Variants in ITPK1 observed in about 807,000 individuals in gnomAD.
The protein encoded by ITPK1 is inositol 1,3,4-trisphosphate 5/6-kinase.
A neutral mutation model predicts 45.3 loss-of-function variants in ITPK1; 21 were observed. The observed-to-expected ratio is 0.46, with a 90% CI of 0.33 to 0.67. The LOEUF (loss-of-function observed/expected upper bound fraction) is 0.67, where lower values mean the gene tolerates loss of function less well. ITPK1 is among the 30% of genes least tolerant of loss of function. ITPK1 has a pLI of 0.02. For missense variants in ITPK1, 474 were observed against 573.5 expected, an observed-to-expected ratio of 0.83 and a Z score of 1.77; for synonymous variants, 258 against 253.6, an observed-to-expected ratio of 1.02 and a Z score of -0.16.
rs2139897572 is a variant in ITPK1, at chr14:93,034,508, G to A, written c.121-17707C>T. Reference sequence around the variant, plus strand: ...CTCCAAGAATAGAATGGGGAGGCGGGCTCCACCACAGCTGGCCCCCACTGG... The same window carrying A: ...CTCCAAGAATAGAATGGGGAGGCGGACTCCACCACAGCTGGCCCCCACTGG... On this transcript the variant is annotated intron_variant, in intron 3 of 10. Coordinates refer to ENST00000267615, the MANE Select transcript of ITPK1 (RefSeq NM_014216.6). The surrounding 1 kb of genome is among the most constrained non-coding windows in gnomAD (Gnocchi z 4.1). Among the ~76,000 whole-genome samples, 1 of 152,284 alleles carries A rather than the reference G, an allele frequency of 6.6e-6. No homozygotes were observed. The highest frequency in any genetic ancestry group is 2.1e-4 in the South Asian group (1 of 4,832).
At chr14:93,103,312 A>G in intron 2 of ITPK1, among the ~76,000 whole-genome samples, 1 of 149,286 alleles carries the variant, frequency 6.7e-6, no homozygotes, top group African/African-American at 2.5e-5. Flanking sequence ...CCAGCTACTC[A>G]GGAGGCTGAG....
At chr14:93,024,099 T>G (rs1888608603) in intron 3 of ITPK1, among the ~76,000 whole-genome samples, 1 of 151,942 alleles carries the variant, frequency 6.6e-6, no homozygotes, top group South Asian at 2.1e-4. Flanking sequence ...ATCCACAAGG[T>G]GGGGAGTCAG....
At chr14:93,069,595 C>T (rs1267516767) in intron 3 of ITPK1, 1 of 153,414 alleles carries the variant, frequency 6.5e-6, no homozygotes. Context: ...CACTCCCCCA[C>T]AGCTCAGACA....
intron 2 of ITPK1, among the ~76,000 whole-genome samples, chr14:93,084,393 G>A (rs770575297): frequency 6.6e-6 from 1 of 152,218 alleles, no homozygotes; most frequent in African/African-American, 2.4e-5. Context: ...AAGGGCCCCT[G>A]TAATGCAGAG....
At position 93,014,261 on chromosome 14, in the gene ITPK1, C is replaced by A. The variant is rs553227293; in HGVS notation, c.246+2415G>T. Among the ~76,000 whole-genome samples, 72 of 152,288 alleles carry A rather than the reference C, an allele frequency of 4.7e-4. No individual in the cohort carries two copies. The highest frequency in any genetic ancestry group is 6.5e-4 in the Admixed American group (10 of 15,294). On this transcript the variant is annotated intron_variant, in intron 4 of 10. Transcript: ENST00000267615. The surrounding 1 kb of genome is among the most constrained non-coding windows in gnomAD (Gnocchi z 4.4). Reference sequence around the variant, plus strand: ...TTAAGCCACAAGGCCCCATGCTGCCCTCCACACACGCTCCCTGTTAATATT... The same window carrying A: ...TTAAGCCACAAGGCCCCATGCTGCCATCCACACACGCTCCCTGTTAATATT...
At chr14:93,075,356 AAAAAAG>A (rs1891177729) in intron 3 of ITPK1, among the ~76,000 whole-genome samples, 2 of 143,738 alleles carry the variant, frequency 1.4e-5, no homozygotes, top group African/African-American at 5.8e-5. Flanking sequence ...AAAAAAAAAA[AAAAAAG>A]GAAGAGAAAA....
At chr14:92,967,417 G>A (rs183724152) in intron 5 of ITPK1, among the ~76,000 whole-genome samples, 2 of 152,266 alleles carry the variant, frequency 1.3e-5, no homozygotes, top group East Asian at 3.9e-4. Flanking sequence ...AAAATAACAA[G>A]TGTTGCTGAG....
In ITPK1 at chr14:92,941,677, C is replaced by A. The variant is rs771194909; in HGVS notation, c.1129G>T (p.Asp377Tyr). ...GQDAPWKAEADAGGTAKLPHQ... is the reference protein window; with the variant it reads ...GQDAPWKAEAYAGGTAKLPHQ... The stretch of plus-strand genomic sequence containing the variant: ...GGCAGCTTGGCGGTGCCGCCCGCGT[C>A]GGCCTCAGCCTTCCAGGGCGCGTCC... The change falls in exon 11 of 11, where the codon GAC (aspartate) becomes TAC (tyrosine). Residue 377 changes from aspartate (D) to tyrosine (Y), a missense_variant. Around this residue, in one of 2 missense-constraint regions of ITPK1, gnomAD observed 107 missense variants for 92.9 expected, o/e 1.15. Transcript: ENST00000267615. 1 of 1,543,892 alleles carries A rather than the reference C, an allele frequency of 6.5e-7. No homozygotes were observed. The highest frequency in any genetic ancestry group is 8.7e-7 in the Non-Finnish European group (1 of 1,147,298).
At chr14:93,094,167 G>A (rs1019611255) in intron 2 of ITPK1, among the ~76,000 whole-genome samples, 10 of 152,344 alleles carry the variant, frequency 6.6e-5, no homozygotes, top group Middle Eastern at 6.8e-3. Context: ...CCGAGGATAT[G>A]CGGGGCCTCC....
rs1041796728 is a variant in ITPK1, at chr14:93,016,390, C to T, written c.246+286G>A. Among the ~76,000 whole-genome samples, 3 of 152,152 alleles carry T rather than the reference C, an allele frequency of 2.0e-5. No individual in the cohort carries two copies. Among genetic ancestry groups the T allele is most frequent in the Admixed American group, 2.0e-4 (3 of 15,278 alleles). Reference sequence around the variant, plus strand: ...CATGCCTGTGCTGAGGACGTGGAGGCCACACTGGAACTCAGCGATGCCTCA... The same window carrying T: ...CATGCCTGTGCTGAGGACGTGGAGGTCACACTGGAACTCAGCGATGCCTCA... On this transcript the variant is annotated intron_variant, in intron 4 of 10. Coordinates refer to ENST00000267615, the MANE Select transcript of ITPK1 (RefSeq NM_014216.6). This position sits in a 1 kb window ranked among gnomAD's most constrained non-coding sequence, Gnocchi z 5.0.
intron 2 of ITPK1, among the ~76,000 whole-genome samples, chr14:93,113,411 C>A (rs557009646): frequency 5.9e-5 from 9 of 152,308 alleles, no homozygotes; most frequent in African/African-American, 2.2e-4. Flanking sequence ...CAATGACAAG[C>A]CTCAAGCTTG....
rs2139902704 is a variant in ITPK1 at position 93,036,993 on chromosome 14, T to C, written c.121-20192A>G. On this transcript the variant is annotated intron_variant, in intron 3 of 10. Transcript: ENST00000267615. The surrounding 1 kb of genome is among the most constrained non-coding windows in gnomAD (Gnocchi z 4.1). Reference sequence around the variant, plus strand: ...CCACCCCCTAACAATGCTCCTTTTTTCTTGGGCACTGACCCTCACTTATCA... The same window carrying C: ...CCACCCCCTAACAATGCTCCTTTTTCCTTGGGCACTGACCCTCACTTATCA... 1.3e-5 allele frequency: 2 copies of C among 152,438 alleles called. No individual in the cohort carries two copies. Among genetic ancestry groups the C allele is most frequent in the Non-Finnish European group, 2.9e-5 (2 of 68,116 alleles). 9.4% of individuals were successfully genotyped at this position (152,438 alleles called of 1,614,324 possible).
chr14:93,016,452 C>T lies in ITPK1; in HGVS notation c.246+224G>A, dbSNP rs1158639135. ...TGTCTACACAGCCAGGGGGTGGAGA[C>T]GGCCCAACCATGCCCTGGTTCAGTC... is the stretch of plus-strand genomic sequence containing the variant. On this transcript the variant is annotated intron_variant, in intron 4 of 10. Transcript: ENST00000267615. This position sits in a 1 kb window ranked among gnomAD's most constrained non-coding sequence, Gnocchi z 5.0. 1.3e-5 allele frequency among the ~76,000 whole-genome samples: 2 copies of T among 152,284 alleles called. No homozygotes were observed. Among genetic ancestry groups the T allele is most frequent in the African/African-American group, 2.4e-5 (1 of 41,550 alleles).
At chr14:92,957,159 C>A (rs977702916) in intron 8 of ITPK1, among the ~76,000 whole-genome samples, 1 of 152,228 alleles carries the variant, frequency 6.6e-6, no homozygotes, top group African/African-American at 2.4e-5. Flanking sequence ...AGGCAGTCCC[C>A]GGAGGAGGGA....
At chr14:93,074,223 G>A (rs990263712) in intron 3 of ITPK1, among the ~76,000 whole-genome samples, 4 of 152,150 alleles carry the variant, frequency 2.6e-5, no homozygotes, top group Non-Finnish European at 4.4e-5. Context: ...GTTTGGCTTC[G>A]TTCTGGTCCC....
At chr14:93,114,413 G>A (rs2140045033) in intron 2 of ITPK1, among the ~76,000 whole-genome samples, 1 of 152,340 alleles carries the variant, frequency 6.6e-6, no homozygotes, top group East Asian at 1.9e-4. Flanking sequence ...CTCCCTAGCT[G>A]CGGGACCCCA....
chr14:93,013,818 G>A lies in ITPK1; in HGVS notation c.246+2858C>T, dbSNP rs550949694. Among the ~76,000 whole-genome samples the A allele has an allele frequency of 1.3e-3, 203 of 152,322 alleles. 1 individual carries two copies. The highest frequency in any genetic ancestry group is 4.7e-3 in the African/African-American group (196 of 41,578). The stretch of plus-strand genomic sequence containing the variant: ...TCTGAAAACAAAGGGCACGACTGAG[G>A]TCAAGTGTCCGCCTCCCTGGGTCTA... On this transcript the variant is annotated intron_variant, in intron 4 of 10. Coordinates refer to ENST00000267615, the MANE Select transcript of ITPK1 (RefSeq NM_014216.6).
intron 10 of ITPK1, 40 bp downstream of exon 10, chr14:92,946,291 C>T: frequency 6.2e-7 from 1 of 1,609,436 alleles, no homozygotes; most frequent in Non-Finnish European, 8.5e-7. Context: ...AGGACAGTCT[C>T]TGGAGGCCGG....
intron 9 of ITPK1, among the ~76,000 whole-genome samples, chr14:92,951,478 C>A (rs148785518): frequency 6.6e-6 from 1 of 152,178 alleles, no homozygotes; most frequent in South Asian, 2.1e-4. Context: ...ACTCACTGAA[C>A]GGCCAGAACG....
Sources: gnomAD v4.1 joint callset for allele counts (sites outside exome capture counted in the v4.1 genomes callset) on GRCh38, gnomAD v4.1.1 for gene constraint, gnomAD v4.1.1 regional missense constraint, Gnocchi (gnomAD v3.1) non-coding constraint, MANE v1.5 for transcripts, NCBI Gene and HGNC (gene_info 2026-07-23, HGNC 2026-07-21) for gene names.